PINX1: variants seen among roughly 807,000 people sequenced by gnomAD.
PINX1 encodes the protein PIN2/TERF1-interacting telomerase inhibitor 1.
A neutral mutation model predicts 25.4 loss-of-function variants in PINX1; 34 were observed. The observed-to-expected ratio is 1.34, with a 90% CI of 1.02 to 1.78. PINX1 has a LOEUF of 1.78. Ranked by LOEUF, PINX1 falls within the 40% of genes most tolerant of loss-of-function variation. PINX1 has a pLI of 0.00. For synonymous variants in PINX1, 197 were observed against 147.7 expected (o/e 1.33, Z -2.42); for missense variants, 592 against 404.9 (o/e 1.46, Z -3.97).
intron 6 of PINX1, among the ~76,000 whole-genome samples, chr8:10,799,204 T>C (rs1802185514): frequency 2.6e-5 from 4 of 152,216 alleles, no homozygotes; most frequent in Non-Finnish European, 5.9e-5. Context: ...AGTAACAGAT[T>C]CACTTAAATA....
chr8:10,783,187 C>G (rs1024331353), intron 6 of PINX1, among the ~76,000 whole-genome samples: 2 of 152,158 alleles, frequency 1.3e-5, no homozygotes, highest in African/African-American at 2.4e-5. Context: ...GCTTTGAACA[C>G]TTATTAATAG....
rs75282070 is a variant in PINX1, at chr8:10,793,082, A to C, written c.471+27111T>G. On this transcript the variant is annotated intron_variant, in intron 6 of 6. Coordinates refer to ENST00000314787, the MANE Select transcript of PINX1 (RefSeq NM_017884.6). ...CGCTAACATCTACTGAGTGCCTACT[A>C]TGCGCGAACACTCTGCTAGGGGTAG... Among the ~76,000 whole-genome samples the C allele has an allele frequency of 2.3e-3, 344 of 152,210 alleles. 1 individual carries two copies. Among genetic ancestry groups the C allele is most frequent in the African/African-American group, 8.1e-3 (335 of 41,556 alleles).
intron 4 of PINX1, among the ~76,000 whole-genome samples, chr8:10,829,526 G>C (rs1289678967): frequency 6.6e-6 from 1 of 152,070 alleles, no homozygotes; most frequent in Non-Finnish European, 1.5e-5. Flanking sequence ...TAACCAAAGA[G>C]GAAATCGAGG....
In PINX1 at chr8:10,834,709, A is replaced by G. The variant is rs1586214406; in HGVS notation, c.86T>C (p.Phe29Ser). The G allele has an allele frequency of 6.2e-7, 1 of 1,613,946 alleles. No individual in the cohort carries two copies. The highest frequency in any genetic ancestry group is 1.7e-5 in the Admixed American group (1 of 60,016). Residue 29 changes from phenylalanine to serine, a missense_variant, in exon 2 of 7, where the codon TTT becomes TCT. Transcript: ENST00000314787. ...NTAWSNDDSK[F>S]GQRMLEKMGW... Reference sequence around the variant, plus strand: ...CATCTTCTCTAGCATCCGCTGGCCAAACTTGGAATCGTCATTACTCCAGGC... The same window carrying G: ...CATCTTCTCTAGCATCCGCTGGCCAGACTTGGAATCGTCATTACTCCAGGC...
chr8:10,807,579 T>A lies in PINX1; in HGVS notation c.471+12614A>T, dbSNP rs140369659. 1.9e-3 allele frequency among the ~76,000 whole-genome samples: 287 copies of A among 152,194 alleles called. 1 individual carries two copies. Among genetic ancestry groups the A allele is most frequent in the African/African-American group, 6.1e-3 (254 of 41,528 alleles). ...CCCATAGGGTTTTAGAATCTGAGCA[T>A]GTTAAGATTCTAAAACCTTCTGAAA... On this transcript the variant is annotated intron_variant, in intron 6 of 6. Coordinates refer to ENST00000314787, the MANE Select transcript of PINX1 (RefSeq NM_017884.6).
intron 6 of PINX1, among the ~76,000 whole-genome samples, chr8:10,819,347 T>C (rs1264654910): frequency 2.0e-5 from 3 of 152,228 alleles, no homozygotes; most frequent in Non-Finnish European, 2.9e-5. Flanking sequence ...GTCTTCTTTT[T>C]TGTTCTATGG....
chr8:10,814,297 C>G (rs1246274218), intron 6 of PINX1, among the ~76,000 whole-genome samples: 2 of 152,196 alleles, frequency 1.3e-5, no homozygotes, highest in African/African-American at 4.8e-5. Flanking sequence ...ACTGGCAGTT[C>G]GTGATGATCT....
At chr8:10,777,770 C>T (rs1351788919) in intron 6 of PINX1, among the ~76,000 whole-genome samples, 1 of 152,176 alleles carries the variant, frequency 6.6e-6, no homozygotes, top group Non-Finnish European at 1.5e-5. Flanking sequence ...TGAACCACCA[C>T]TTTCATTGCT....
chr8:10,785,108 T>C (rs190453812), intron 6 of PINX1, among the ~76,000 whole-genome samples: 43 of 152,348 alleles, frequency 2.8e-4, no homozygotes, highest in African/African-American at 1.0e-3. Flanking sequence ...CATAACGTTT[T>C]AAGCTAGTTC....
chr8:10,819,085 T>A (rs779509386), intron 6 of PINX1, among the ~76,000 whole-genome samples: 1 of 152,216 alleles, frequency 6.6e-6, no homozygotes, highest in Non-Finnish European at 1.5e-5. Context: ...TGACTCAGCA[T>A]AGTCCGCGCA....
chr8:10,812,657 G>T (rs61474499), intron 6 of PINX1, among the ~76,000 whole-genome samples: 2 of 152,216 alleles, frequency 1.3e-5, no homozygotes, highest in East Asian at 1.9e-4. Context: ...CTTTCCAGAC[G>T]CCACTGTCCC....
intron 5 of PINX1, among the ~76,000 whole-genome samples, chr8:10,824,126 T>C (rs1255763510): frequency 6.6e-6 from 1 of 152,160 alleles, no homozygotes; most frequent in East Asian, 1.9e-4. Flanking sequence ...TAATAAATCA[T>C]AAAACAGAAC....
chr8:10,808,610 A>G (rs1802529564), intron 6 of PINX1, among the ~76,000 whole-genome samples: 1 of 152,254 alleles, frequency 6.6e-6, no homozygotes, highest in African/African-American at 2.4e-5. Flanking sequence ...GAGGTTACAT[A>G]GCGTGTCCAG....
chr8:10,813,048 T>C (rs1286506165), intron 6 of PINX1, among the ~76,000 whole-genome samples: 3 of 152,392 alleles, frequency 2.0e-5, no homozygotes, highest in African/African-American at 7.2e-5. Context: ...AGTGATCATT[T>C]TGAATCAGGA....
chr8:10,819,191 A>C (rs1216671587), intron 6 of PINX1, among the ~76,000 whole-genome samples: 1 of 152,228 alleles, frequency 6.6e-6, no homozygotes, highest in Non-Finnish European at 1.5e-5. Flanking sequence ...ATTCAGTCCC[A>C]ATCTGCACAG....
At chr8:10,807,258 A>G (rs1298875487) in intron 6 of PINX1, among the ~76,000 whole-genome samples, 1 of 151,962 alleles carries the variant, frequency 6.6e-6, no homozygotes, top group Non-Finnish European at 1.5e-5. Context: ...TGAAAATTAA[A>G]AATATGACAG....
intron 6 of PINX1, among the ~76,000 whole-genome samples, chr8:10,782,420 T>TA (rs35052965): frequency 0.43 from 61,054 of 142,874 alleles, 14,349 homozygotes; most frequent in African/African-American, 0.66. Flanking sequence ...ATATACTCGA[T>TA]AAAAAAAAAA....
intron 6 of PINX1, among the ~76,000 whole-genome samples, chr8:10,800,754 GT>G (rs1409982504): frequency 6.6e-6 from 1 of 152,208 alleles, no homozygotes; most frequent in African/African-American, 2.4e-5. Context: ...ACCGGCCTAA[GT>G]CACTACGCCC....
At position 10,770,714 on chromosome 8, in the gene PINX1, G is replaced by C. The variant is rs79265345; in HGVS notation, c.472-4798C>G. Reference sequence around the variant, plus strand: ...AAGGAAATGAAGCAGTTTGCACAGAGACCTTAGTGAAGTGCCAGAAGCAGA... The same window carrying C: ...AAGGAAATGAAGCAGTTTGCACAGACACCTTAGTGAAGTGCCAGAAGCAGA... On this transcript the variant is annotated intron_variant, in intron 6 of 6. Transcript: ENST00000314787. Among the ~76,000 whole-genome samples the C allele has an allele frequency of 1.8e-3, 279 of 152,296 alleles. 1 individual carries two copies. The highest frequency in any genetic ancestry group is 6.4e-3 in the African/African-American group (264 of 41,554).
Sources: gnomAD v4.1 joint callset for allele counts (sites outside exome capture counted in the v4.1 genomes callset) on GRCh38, gnomAD v4.1.1 for gene constraint, MANE v1.5 for transcripts, NCBI Gene and HGNC (gene_info 2026-07-23, HGNC 2026-07-21) for gene names.